The following PCDH15 variants were observed in gnomAD, a reference collection of about 807,000 sequenced individuals.
The protein encoded by PCDH15 is protocadherin-15.
In PCDH15, 129 loss-of-function variants were observed where a neutral mutation model predicts 178.5. The observed-to-expected ratio is 0.72, with a 90% CI of 0.63 to 0.84. PCDH15 has a LOEUF of 0.84. Ranked by LOEUF, PCDH15 falls within the 40% of genes least tolerant of loss-of-function variation. The probability of loss-of-function intolerance (pLI) is 0.00; values close to 1 mark genes in which losing one functional copy is unlikely to be tolerated. For synonymous variants in PCDH15, 800 were observed against 732.0 expected (o/e 1.09, Z -1.50); for missense variants, 2,230 against 2,099.9 (o/e 1.06, Z -1.21).
intron 1 of PCDH15, among the ~76,000 whole-genome samples, chr10:54,697,326 C>T (rs1436650088): frequency 6.6e-6 from 1 of 151,614 alleles, no homozygotes; most frequent in Non-Finnish European, 1.5e-5. Context: ...TTATTTAGTT[C>T]ACATATCATG....
At chr10:54,070,899 TG>T (rs1448817012) in intron 17 of PCDH15, among the ~76,000 whole-genome samples, 1 of 152,150 alleles carries the variant, frequency 6.6e-6, no homozygotes, top group African/African-American at 2.4e-5. Flanking sequence ...GCTCATCTTT[TG>T]TTTTTTGTTG....
chr10:54,269,089 T>A (rs756541690), intron 8 of PCDH15, among the ~76,000 whole-genome samples: 37 of 152,034 alleles, frequency 2.4e-4, no homozygotes, highest in Non-Finnish European at 4.4e-4. Context: ...AATATAATCA[T>A]GAAAAAGTGA....
intron 18 of PCDH15, among the ~76,000 whole-genome samples, chr10:54,039,246 G>T (rs2093486113): frequency 6.6e-6 from 1 of 151,946 alleles, no homozygotes; most frequent in Admixed American, 6.6e-5. Flanking sequence ...GCAGGTAGGG[G>T]ATGCTGCTAT....
chr10:55,563,866 T>C (rs572269795), intron 2 of PCDH15, among the ~76,000 whole-genome samples: 24 of 151,924 alleles, frequency 1.6e-4, no homozygotes, highest in Middle Eastern at 3.4e-3. Flanking sequence ...AGAGAATATA[T>C]AAATTATTCT....
intron 2 of PCDH15, among the ~76,000 whole-genome samples, chr10:54,562,830 T>G (rs1024135342): frequency 6.6e-6 from 1 of 152,018 alleles, no homozygotes; most frequent in African/African-American, 2.4e-5. Flanking sequence ...TCCAAAAACA[T>G]ACAAGTAAGG....
intron 1 of PCDH15, among the ~76,000 whole-genome samples, chr10:55,206,560 AGGTCAG>A (rs1840408803): frequency 6.6e-6 from 1 of 152,104 alleles, no homozygotes; most frequent in Non-Finnish European, 1.5e-5. Context: ...TGTGGGTTTG[AGGTCAG>A]ACTATGTGAA....
chr10:54,690,673 A>T (rs1467586442), intron 1 of PCDH15, among the ~76,000 whole-genome samples: 1 of 152,126 alleles, frequency 6.6e-6, no homozygotes, highest in Non-Finnish European at 1.5e-5. Context: ...TAACCAGAGT[A>T]TTTGAATTTT....
chr10:54,333,807 C>T (rs1259222379), intron 6 of PCDH15, among the ~76,000 whole-genome samples: 1 of 152,134 alleles, frequency 6.6e-6, no homozygotes, highest in African/African-American at 2.4e-5. Flanking sequence ...GCAGATGATT[C>T]AGGTTTTACT....
chr10:55,133,760 T>C lies in PCDH15; in HGVS notation c.-80+32816A>G, dbSNP rs375673597. Reference sequence around the variant, plus strand: ...CAGTATTGCCATTGTCCAAGCTAAATTGTAGAGTCATTTTTAGTTTTAGTT... The same window carrying C: ...CAGTATTGCCATTGTCCAAGCTAAACTGTAGAGTCATTTTTAGTTTTAGTT... On this transcript the variant is annotated intron_variant, in intron 2 of 5. Transcript: ENST00000458638. Among the ~76,000 whole-genome samples the C allele has an allele frequency of 2.6e-5, 4 of 152,170 alleles. 1 individual carries two copies. The East Asian group carries it at 7.7e-4, about 29-fold the overall frequency.
At chr10:53,991,086 A>AC (rs1329925477) in intron 21 of PCDH15, among the ~76,000 whole-genome samples, 97 of 150,772 alleles carry the variant, frequency 6.4e-4, no homozygotes, top group South Asian at 2.3e-3. Flanking sequence ...CCATGGCCGA[A>AC]CCCCCCCCAC....
intron 1 of PCDH15, among the ~76,000 whole-genome samples, chr10:55,262,080 A>G (rs1762135049): frequency 1.7e-5 from 2 of 120,936 alleles, no homozygotes; most frequent in South Asian, 3.4e-4. Context: ...GATAAAGGAA[A>G]GGAAAGGAGG....
At chr10:55,296,123 T>C (rs924658461) in intron 1 of PCDH15, among the ~76,000 whole-genome samples, 3 of 152,068 alleles carry the variant, frequency 2.0e-5, no homozygotes, top group Non-Finnish European at 2.9e-5. Flanking sequence ...TGGGGCAAGG[T>C]GTGGATTATG....
intron 14 of PCDH15, among the ~76,000 whole-genome samples, chr10:54,135,924 T>C (rs2042865887): frequency 6.6e-6 from 1 of 152,204 alleles, no homozygotes; most frequent in Non-Finnish European, 1.5e-5. Flanking sequence ...TATATGTAAG[T>C]ACATGTATAC....
At chr10:55,225,745 T>C (rs1841016857) in intron 1 of PCDH15, among the ~76,000 whole-genome samples, 2 of 151,780 alleles carry the variant, frequency 1.3e-5, no homozygotes, top group African/African-American at 4.9e-5. Flanking sequence ...TAAGAAGTAG[T>C]TAGATCCCCA....
intron 2 of PCDH15, among the ~76,000 whole-genome samples, chr10:55,078,690 T>C (rs1841968571): frequency 6.6e-6 from 1 of 152,086 alleles, no homozygotes; most frequent in Non-Finnish European, 1.5e-5. Context: ...ATAAATTTTT[T>C]AGTGTTGATT....
At chr10:54,297,781 G>T (rs2059895435) in intron 8 of PCDH15, among the ~76,000 whole-genome samples, 1 of 152,182 alleles carries the variant, frequency 6.6e-6, no homozygotes, top group Admixed American at 6.5e-5. Flanking sequence ...AGATGATCCT[G>T]ATAGGTATAT....
At chr10:55,189,770 A>G (rs564638849) in intron 1 of PCDH15, among the ~76,000 whole-genome samples, 1 of 151,954 alleles carries the variant, frequency 6.6e-6, no homozygotes, top group African/African-American at 2.4e-5. Context: ...CTAATAATAA[A>G]TGTTGACAAA....
intron 3 of PCDH15, among the ~76,000 whole-genome samples, chr10:54,389,381 A>C (rs1425719680): frequency 1.3e-5 from 2 of 152,168 alleles, no homozygotes. Flanking sequence ...TAATGTGCCC[A>C]TGAATCACCT....
chr10:53,937,050 G>A (rs907836059), intron 25 of PCDH15, among the ~76,000 whole-genome samples: 1 of 152,028 alleles, frequency 6.6e-6, no homozygotes, highest in Admixed American at 6.6e-5. Context: ...AAATATTTTA[G>A]CTTTTAGACT....
Sources: gnomAD v4.1 joint callset for allele counts (sites outside exome capture counted in the v4.1 genomes callset) on GRCh38, gnomAD v4.1.1 for gene constraint, MANE v1.5 for transcripts, NCBI Gene and HGNC (gene_info 2026-07-23, HGNC 2026-07-21) for gene names.